ROBO2: variants seen among roughly 807,000 people sequenced by gnomAD.
ROBO2 encodes roundabout homolog 2.
ROBO2 carries 53 observed loss-of-function variants against 160.8 expected under a neutral mutation model. That is an observed-to-expected ratio of 0.33 (90% confidence interval 0.26 to 0.41). The LOEUF (loss-of-function observed/expected upper bound fraction) is 0.41, where lower values mean the gene tolerates loss of function less well. ROBO2 is among the 10% of genes least tolerant of loss of function. ROBO2 has a pLI of 1.00. For missense variants in ROBO2, 1,577 were observed against 1,722.4 expected, an observed-to-expected ratio of 0.92 and a Z score of 1.49; for synonymous variants, 664 against 611.7, an observed-to-expected ratio of 1.09 and a Z score of -1.26.
At chr3:76,909,059 T>C (rs1160352246) in intron 2 of ROBO2, among the ~76,000 whole-genome samples, 1 of 152,064 alleles carries the variant, frequency 6.6e-6, no homozygotes, top group Admixed American at 6.6e-5. Context: ...CTAAAAAATA[T>C]ATACATATTT....
At chr3:76,477,293 T>A (rs1274231361) in intron 2 of ROBO2, among the ~76,000 whole-genome samples, 2 of 151,982 alleles carry the variant, frequency 1.3e-5, no homozygotes. Flanking sequence ...AAAAACATAT[T>A]TTTCTCGCCA....
At chr3:77,206,385 G>C (rs545467672) in intron 2 of ROBO2, among the ~76,000 whole-genome samples, 1 of 152,066 alleles carries the variant, frequency 6.6e-6, no homozygotes, top group African/African-American at 2.4e-5. Context: ...GGCCAGGCTG[G>C]TCTCGAATTC....
At chr3:76,540,339 G>A (rs1176939935) in intron 2 of ROBO2, among the ~76,000 whole-genome samples, 2 of 152,156 alleles carry the variant, frequency 1.3e-5, no homozygotes. Context: ...GGATTAAGTA[G>A]AGAAGTTTGA....
intron 2 of ROBO2, among the ~76,000 whole-genome samples, chr3:77,352,077 C>A (rs1205398033): frequency 6.8e-6 from 1 of 147,892 alleles, no homozygotes; most frequent in Non-Finnish European, 1.5e-5. Flanking sequence ...TGCACATGTA[C>A]CCTAGAACTT....
intron 2 of ROBO2, among the ~76,000 whole-genome samples, chr3:76,094,234 T>C (rs559834776): frequency 1.8e-4 from 28 of 152,186 alleles, no homozygotes; most frequent in Non-Finnish European, 4.0e-4. Flanking sequence ...TAATCAATTC[T>C]GTGTGCCTGC....
At position 76,921,033 on chromosome 3, in the gene ROBO2, G is replaced by C. The variant is rs188075344; in HGVS notation, c.110-176981G>C. On this transcript the variant is annotated intron_variant, in intron 2 of 26. Coordinates refer to the ROBO2 transcript ENST00000487694. ...CTCTTTGTTGAGCCAGAGAATGGAGGGTGGGGGGAAATTATTTCAAGCTAC... is the reference window on the plus strand; with the variant it reads ...CTCTTTGTTGAGCCAGAGAATGGAGCGTGGGGGGAAATTATTTCAAGCTAC... Among the ~76,000 whole-genome samples the C allele has an allele frequency of 6.6e-5, 10 of 152,238 alleles. No individual in the cohort carries two copies. The East Asian group carries it at 1.9e-3, about 29-fold the overall frequency.
intron 2 of ROBO2, among the ~76,000 whole-genome samples, chr3:75,979,938 A>G (rs984601319): frequency 6.6e-6 from 1 of 151,600 alleles, no homozygotes; most frequent in Non-Finnish European, 1.5e-5. Context: ...TTTCCTAAAA[A>G]ATACCCATAG....
chr3:77,193,374 G>A (rs1433454941), intron 2 of ROBO2, among the ~76,000 whole-genome samples: 1 of 151,786 alleles, frequency 6.6e-6, no homozygotes, highest in Non-Finnish European at 1.5e-5. Context: ...TTGAACACCT[G>A]GGCTCAAGCG....
At position 76,875,780 on chromosome 3, in the gene ROBO2, A is replaced by G. The variant is rs992889870; in HGVS notation, c.110-222234A>G. On this transcript the variant is annotated intron_variant, in intron 2 of 26. Coordinates refer to the ROBO2 transcript ENST00000487694. ...AGCAATTCTCCGCCTCCACCTCTCAAGTATCTGGGATTATAGGTGCCTGCT... is the reference window on the plus strand; with the variant it reads ...AGCAATTCTCCGCCTCCACCTCTCAGGTATCTGGGATTATAGGTGCCTGCT... 3.3e-5 allele frequency among the ~76,000 whole-genome samples: 5 copies of G among 151,964 alleles called. 1 individual carries two copies. The highest frequency in any genetic ancestry group is 7.4e-5 in the Non-Finnish European group (5 of 67,998).
At chr3:77,437,188 T>C (rs1432041979) in intron 2 of ROBO2, among the ~76,000 whole-genome samples, 1 of 152,018 alleles carries the variant, frequency 6.6e-6, no homozygotes, top group African/African-American at 2.4e-5. Flanking sequence ...ATAAAGCCAG[T>C]TCACCATTCA....
chr3:76,219,446 C>G (rs1490269580), intron 2 of ROBO2, among the ~76,000 whole-genome samples: 1 of 152,128 alleles, frequency 6.6e-6, no homozygotes, highest in Non-Finnish European at 1.5e-5. Context: ...GGCTAATATC[C>G]AGAATCTACA....
intron 2 of ROBO2, among the ~76,000 whole-genome samples, chr3:76,540,394 C>A (rs959422777): frequency 6.6e-6 from 1 of 152,100 alleles, no homozygotes; most frequent in African/African-American, 2.4e-5. Flanking sequence ...TTTTGTGAAC[C>A]TAGTAGTGGT....
At chr3:77,093,345 C>T (rs890352231) in intron 1 of ROBO2, among the ~76,000 whole-genome samples, 1 of 152,106 alleles carries the variant, frequency 6.6e-6, no homozygotes, top group Non-Finnish European at 1.5e-5. Flanking sequence ...TGATGAACAA[C>T]CCCCACTCCC....
chr3:77,489,664 A>T (rs1427342254), intron 4 of ROBO2, among the ~76,000 whole-genome samples: 2 of 152,202 alleles, frequency 1.3e-5, no homozygotes, highest in Non-Finnish European at 1.5e-5. Context: ...GACTGTTAGC[A>T]TGTTAAGGAA....
At chr3:75,933,317 C>T (rs1472808126) in intron 1 of ROBO2, among the ~76,000 whole-genome samples, 1 of 152,206 alleles carries the variant, frequency 6.6e-6, no homozygotes, top group Non-Finnish European at 1.5e-5. Flanking sequence ...GCTCTGGTGA[C>T]TTCCTGATCT....
At chr3:76,533,480 A>G (rs2082333846) in intron 2 of ROBO2, among the ~76,000 whole-genome samples, 1 of 152,212 alleles carries the variant, frequency 6.6e-6, no homozygotes. Flanking sequence ...TCATATTAGA[A>G]TTTTATTTTA....
At chr3:77,355,613 G>C (rs2068998207) in intron 2 of ROBO2, among the ~76,000 whole-genome samples, 1 of 152,032 alleles carries the variant, frequency 6.6e-6, no homozygotes, top group Non-Finnish European at 1.5e-5. Flanking sequence ...GAGTAGGACA[G>C]ATAATTTTCT....
intron 2 of ROBO2, among the ~76,000 whole-genome samples, chr3:76,167,690 A>G (rs952656726): frequency 6.6e-6 from 1 of 152,168 alleles, no homozygotes; most frequent in South Asian, 2.1e-4. Flanking sequence ...TCCTTTTATT[A>G]TAGTATTTAG....
At chr3:76,857,848 C>A (rs2148591320) in intron 2 of ROBO2, among the ~76,000 whole-genome samples, 1 of 152,270 alleles carries the variant, frequency 6.6e-6, no homozygotes, top group South Asian at 2.1e-4. Context: ...AATTTGACCC[C>A]AGGCTACCTC....
Sources: allele counts gnomAD v4.1 joint callset (sites outside exome capture counted in the v4.1 genomes callset), GRCh38; gene constraint gnomAD v4.1.1; transcripts MANE v1.5; gene names NCBI Gene and HGNC (gene_info 2026-07-23, HGNC 2026-07-21).